The following FAM120B variants were observed in gnomAD, a reference collection of about 807,000 sequenced individuals.
The protein encoded by FAM120B is family with sequence similarity 120 member B.
Under a neutral mutation model 96.3 loss-of-function variants are expected in FAM120B, and 83 were observed. The observed-to-expected ratio is 0.86, with a 90% CI of 0.72 to 1.03. FAM120B has a LOEUF of 1.03. Ranked by LOEUF, FAM120B falls within the 50% of genes least tolerant of loss-of-function variation. FAM120B has a pLI of 0.00. For missense variants in FAM120B, 1,027 were observed against 1,121.2 expected (o/e 0.92, Z 1.20); for synonymous variants, 407 against 402.7 (o/e 1.01, Z -0.13).
intron 9 of FAM120B, among the ~76,000 whole-genome samples, chr6:170,401,496 A>C (rs893553467): frequency 6.6e-6 from 1 of 152,134 alleles, no homozygotes; most frequent in Non-Finnish European, 1.5e-5. Flanking sequence ...CTGAGGATAG[A>C]AGCTGACAGA....
At chr6:170,366,328 G>C (rs12199812) in intron 6 of FAM120B, among the ~76,000 whole-genome samples, 12,819 of 152,272 alleles carry the variant, frequency 0.084, 690 homozygotes, top group Non-Finnish European at 0.12. Context: ...GTTCTGGCCA[G>C]TTGCCTTGGC....
intron 6 of FAM120B, among the ~76,000 whole-genome samples, chr6:170,361,647 T>C (rs1788466004): frequency 6.6e-6 from 1 of 152,192 alleles, no homozygotes; most frequent in Non-Finnish European, 1.5e-5. Flanking sequence ...TAACTTTCAG[T>C]GTGAGCTTCT....
At chr6:170,367,243 A>T (rs1043099645) in intron 6 of FAM120B, among the ~76,000 whole-genome samples, 1 of 152,268 alleles carries the variant, frequency 6.6e-6, no homozygotes, top group African/African-American at 2.4e-5. Context: ...AAAAGCTTCA[A>T]CCAGGGGTTA....
chr6:170,404,415 C>A, intron 9 of FAM120B, 135 bp from the exon 10 acceptor site: 1 of 701,142 alleles, frequency 1.4e-6, no homozygotes, highest in Non-Finnish European at 2.4e-6. Flanking sequence ...GTGGCCACAA[C>A]TGTAAAGAGG....
chr6:170,392,298 C>G (rs1225053852), intron 8 of FAM120B, among the ~76,000 whole-genome samples: 4 of 152,104 alleles, frequency 2.6e-5, no homozygotes, highest in Non-Finnish European at 5.9e-5. Context: ...ACCTCCGCCT[C>G]CCGAGTTCAA....
At chr6:170,390,377 A>G (rs1790419234) in intron 7 of FAM120B, among the ~76,000 whole-genome samples, 1 of 152,250 alleles carries the variant, frequency 6.6e-6, no homozygotes, top group African/African-American at 2.4e-5. Context: ...TGAAAGGTAA[A>G]GTAGCCTTAG....
chr6:170,293,243 A>G (rs1437556676), upstream of FAM120B, among the ~76,000 whole-genome samples: 3 of 152,088 alleles, frequency 2.0e-5, no homozygotes, highest in East Asian at 5.8e-4. Flanking sequence ...AAAAGAAGAG[A>G]ATGCGAGGTC....
chr6:170,335,632 T>C (rs1451542955), intron 4 of FAM120B, among the ~76,000 whole-genome samples: 6 of 152,208 alleles, frequency 3.9e-5, no homozygotes, highest in African/African-American at 9.7e-5. Context: ...ATTGCTACAC[T>C]GTCTTCCACA....
Position 170,295,398 on chromosome 6 carries a change from T to C in FAM120B, c.-8T>C, listed in dbSNP as rs986432648. On this transcript the variant is annotated 5_prime_UTR_variant, in exon 1 of 11. Coordinates refer to the FAM120B transcript ENST00000537664. This position sits in a 1 kb window ranked among gnomAD's most constrained non-coding sequence, Gnocchi z 7.8. ...GCCTGGAAAAGGGAGGGGGCATCGA[T>C]CTGGTTTATGTTTGGACCTCGAGGC... 1.0e-5 allele frequency: 7 copies of C among 701,344 alleles called. No homozygotes were observed. The Admixed American group carries it at 1.2e-4, about 12-fold the overall frequency. 43.4% of individuals were successfully genotyped at this position (701,344 alleles called of 1,614,324 possible). A position where few individuals can be genotyped will look rare whatever the true frequency, so the allele number is the denominator to read the frequency against.
chr6:170,296,474 G>C (rs1013839563), intron 1 of FAM120B, among the ~76,000 whole-genome samples: 1 of 151,840 alleles, frequency 6.6e-6, no homozygotes, highest in Non-Finnish European at 1.5e-5. Flanking sequence ...GGCCCTCCCG[G>C]TGGACCCCAG....
At chr6:170,319,671 A>G (rs561992253) in intron 2 of FAM120B, among the ~76,000 whole-genome samples, 1 of 152,298 alleles carries the variant, frequency 6.6e-6, no homozygotes, top group South Asian at 2.1e-4. Context: ...ATAAAAATAA[A>G]TAAAGTACAG....
chr6:170,378,365 C>T (rs912312081), intron 6 of FAM120B, among the ~76,000 whole-genome samples: 12 of 152,168 alleles, frequency 7.9e-5, no homozygotes, highest in African/African-American at 2.9e-4. Context: ...CCTGTGGACA[C>T]CTGGCACACA....
intron 4 of FAM120B, among the ~76,000 whole-genome samples, chr6:170,346,102 C>T (rs1010575923): frequency 2.0e-5 from 3 of 152,100 alleles, no homozygotes; most frequent in African/African-American, 7.2e-5. Context: ...ACGGGACCAC[C>T]ATTATATGTG....
chr6:170,336,329 G>C (rs1786415987), intron 4 of FAM120B, among the ~76,000 whole-genome samples: 1 of 152,094 alleles, frequency 6.6e-6, no homozygotes, highest in Non-Finnish European at 1.5e-5. Context: ...GCTTGTTTTT[G>C]TCAGGTTTGT....
Position 170,295,359 on chromosome 6 carries a change from C to T in FAM120B, c.-47C>T. On this transcript the variant is annotated 5_prime_UTR_variant, in exon 1 of 11. Transcript: ENST00000537664. The surrounding 1 kb of genome is among the most constrained non-coding windows in gnomAD (Gnocchi z 7.8). Reference sequence around the variant, plus strand: ...GCGTGGACTTACAAGCCCACGAAGCCATCGTTCGTCACAGCCTGGAAAAGG... The same window carrying T: ...GCGTGGACTTACAAGCCCACGAAGCTATCGTTCGTCACAGCCTGGAAAAGG... 1.4e-6 allele frequency: 1 copy of T among 699,788 alleles called. No individual in the cohort carries two copies. The highest frequency in any genetic ancestry group is 1.8e-5 in the African/African-American group (1 of 56,960). 43.3% of individuals were successfully genotyped at this position (699,788 alleles called of 1,614,324 possible).
chr6:170,350,161 C>T lies in FAM120B; in HGVS notation c.2190+1838C>T, dbSNP rs535820572. On this transcript the variant is annotated intron_variant, in intron 5 of 10. Transcript: ENST00000476287. ...TGGGATCCCTGGCAAGACAAGAAAT[C>T]TGTCTGTACATATCCCTAGGAAAGG... Among the ~76,000 whole-genome samples, 33 of 152,324 alleles carry T rather than the reference C, an allele frequency of 2.2e-4. No individual in the cohort carries two copies. The South Asian group carries it at 6.2e-3, about 29-fold the overall frequency.
At chr6:170,323,381 C>G in intron 3 of FAM120B, 122 bp downstream of exon 3, 1 of 773,320 alleles carries the variant, frequency 1.3e-6, no homozygotes, top group East Asian at 2.7e-5. Context: ...GTTTTATATC[C>G]CTGTCAAATC....
In FAM120B at chr6:170,348,335, C is replaced by CT; in HGVS notation, c.2190+13dup. On this transcript the variant is annotated intron_variant, in intron 5 of 10. Transcript: ENST00000476287. ...ACCTCTTTGTCCAGGTAATGTCCAGCTGCCCGTTCTAGTCACTGCAGCCTG... is the reference window on the plus strand; with the variant it reads ...ACCTCTTTGTCCAGGTAATGTCCAGCTTGCCCGTTCTAGTCACTGCAGCCTG... The CT allele has an allele frequency of 6.2e-7, 1 of 1,611,392 alleles. No individual in the cohort carries two copies. The highest frequency in any genetic ancestry group is 2.2e-5 in the East Asian group (1 of 44,870).
At chr6:170,362,111 C>A (rs1368570445) in intron 6 of FAM120B, among the ~76,000 whole-genome samples, 1 of 152,106 alleles carries the variant, frequency 6.6e-6, no homozygotes, top group Non-Finnish European at 1.5e-5. Flanking sequence ...CTTTATAGTA[C>A]AGAAGTAAAG....
Sources: allele counts gnomAD v4.1 joint callset (sites outside exome capture counted in the v4.1 genomes callset), GRCh38; gene constraint gnomAD v4.1.1; non-coding constraint Gnocchi (gnomAD v3.1); transcripts MANE v1.5; gene names NCBI Gene and HGNC (gene_info 2026-07-23, HGNC 2026-07-21).